The following SRPRA variants were observed in gnomAD, a reference collection of about 807,000 sequenced individuals.
SRPRA encodes signal recognition particle receptor subunit alpha.
A neutral mutation model predicts 61.1 loss-of-function variants in SRPRA; 30 were observed. The ratio of observed to expected loss-of-function variants is 0.49; its 90% CI spans 0.37 to 0.67. SRPRA has a LOEUF of 0.67. Among genes scored for constraint, SRPRA ranks in the 30% least tolerant of loss-of-function variants. The probability of loss-of-function intolerance (pLI) is 0.00; values close to 1 mark genes in which losing one functional copy is unlikely to be tolerated. For missense variants in SRPRA, 759 were observed against 828.4 expected (o/e 0.92, Z 1.03); for synonymous variants, 324 against 299.7 (o/e 1.08, Z -0.84).
the SRPRA span, among the ~76,000 whole-genome samples, chr11:126,249,281 A>G: frequency 6.6e-6 from 1 of 152,222 alleles, no homozygotes; most frequent in African/African-American, 2.4e-5. Flanking sequence ...CAAAATGCAA[A>G]TTTTTAATTT....
rs1443168422 is a variant in SRPRA at position 126,263,238 on chromosome 11, G to T, written c.*678C>A. 2.6e-5 allele frequency: 4 copies of T among 152,362 alleles called. No individual in the cohort carries two copies. The highest frequency in any genetic ancestry group is 5.9e-5 in the Non-Finnish European group (4 of 68,068). 9.4% of individuals were successfully genotyped at this position (152,362 alleles called of 1,614,324 possible). On this transcript the variant is annotated 3_prime_UTR_variant, in exon 14 of 14. Coordinates refer to ENST00000332118, the MANE Select transcript of SRPRA (RefSeq NM_003139.4). ...GAGCTTACTTCTGGATTCTGGGAGTGGGAAGAGTTGGGAGGCCAAGAAGCC... is the reference window on the plus strand; with the variant it reads ...GAGCTTACTTCTGGATTCTGGGAGTTGGAAGAGTTGGGAGGCCAAGAAGCC...
At chr11:126,256,857 G>C in the SRPRA span, 1 of 1,603,206 alleles carries the variant, frequency 6.2e-7, no homozygotes, top group Non-Finnish European at 8.5e-7. The surrounding 1 kb of genome is among the most constrained non-coding windows in gnomAD (Gnocchi z 6.6). Context: ...CATCAGGTAA[G>C]ATGCATTTTG....
chr11:126,254,484 C>T, the SRPRA span: 1 of 1,606,232 alleles, frequency 6.2e-7, no homozygotes, highest in Non-Finnish European at 8.5e-7. Flanking sequence ...TGGGAAATCT[C>T]TCTAAATATG....
chr11:126,240,286 T>C, the SRPRA span, among the ~76,000 whole-genome samples: 1 of 152,022 alleles, frequency 6.6e-6, no homozygotes, highest in Non-Finnish European at 1.5e-5. Flanking sequence ...TTTTTTTTTT[T>C]TGCCTGAGGT....
At chr11:126,262,190 G>C (rs1950715404), downstream of SRPRA, 4 of 1,582,550 alleles carry the variant, frequency 2.5e-6, no homozygotes, top group Non-Finnish European at 3.5e-6. Flanking sequence ...ACTACAGACA[G>C]TGTTTAACAA....
chr11:126,259,026 T>A (rs1212892982), downstream of SRPRA, among the ~76,000 whole-genome samples: 2 of 152,222 alleles, frequency 1.3e-5, no homozygotes, highest in African/African-American at 2.4e-5. Context: ...GTGTTCTGTA[T>A]CTTTAAACAA....
chr11:126,249,457 G>A, the SRPRA span, among the ~76,000 whole-genome samples: 3 of 150,124 alleles, frequency 2.0e-5, no homozygotes, highest in African/African-American at 7.3e-5. Flanking sequence ...CTGAGGCTGG[G>A]TGTGGTAGCT....
rs374531997 is a variant in SRPRA at position 126,268,060 on chromosome 11, G to A, written c.144C>T (p.Thr48=). 8.1e-6 allele frequency: 13 copies of A among 1,613,972 alleles called. No homozygotes were observed. Among genetic ancestry groups the A allele is most frequent in the Non-Finnish European group, 1.0e-5 (12 of 1,180,022 alleles). ...LQERGGNNSF[T]HEALTLKYKL... ...TATACTTGAGTGTGAGTGCCTCATG[G>A]GTGAAGGAGTTGTTACCTCCCCGTT... Residue 48 remains threonine (T), a synonymous_variant, in exon 2 of 14, where the codon ACC becomes ACT. Coordinates refer to ENST00000332118, the MANE Select transcript of SRPRA (RefSeq NM_003139.4).
Position 126,268,097 on chromosome 11 carries a change from A to T in SRPRA, c.118-11T>A. On this transcript the variant is annotated splice_polypyrimidine_tract_variant and intron_variant, in intron 1 of 13. Coordinates refer to ENST00000332118, the MANE Select transcript of SRPRA (RefSeq NM_003139.4). ...GTTACCTCCCCGTTCCTGGAGAAAGAGTATGTCTCAGTGTTCAGACTATCC... is the reference window on the plus strand; with the variant it reads ...GTTACCTCCCCGTTCCTGGAGAAAGTGTATGTCTCAGTGTTCAGACTATCC... 6.2e-7 allele frequency: 1 copy of T among 1,613,018 alleles called. No individual in the cohort carries two copies. Among genetic ancestry groups the T allele is most frequent in the Non-Finnish European group, 8.5e-7 (1 of 1,179,084 alleles).
rs1950795588 is a variant in SRPRA, at chr11:126,265,711, A to G, written c.1138+26T>C. On this transcript the variant is annotated intron_variant, in intron 9 of 13. Coordinates refer to ENST00000332118, the MANE Select transcript of SRPRA (RefSeq NM_003139.4). This position sits in a 1 kb window ranked among gnomAD's most constrained non-coding sequence, Gnocchi z 6.3. ...CTATGCACTTAACCTACACATAAGC[A>G]CTTTCTCACTTAGGTAAGTACTTAC... The G allele has an allele frequency of 1.4e-5, 22 of 1,611,994 alleles. No homozygotes were observed. Among genetic ancestry groups the G allele is most frequent in the Non-Finnish European group, 1.9e-5 (22 of 1,178,146 alleles).
chr11:126,263,731 T>C lies in SRPRA; in HGVS notation c.*185A>G. On this transcript the variant is annotated 3_prime_UTR_variant, in exon 14 of 14. Coordinates refer to ENST00000332118, the MANE Select transcript of SRPRA (RefSeq NM_003139.4). ...CAGTGGGCAGTGATTGTAACATGAT[T>C]AGGCCTTCCTTGCAGATGGCGGCTG... The C allele has an allele frequency of 7.4e-6, 6 of 814,992 alleles. No homozygotes were observed. Among genetic ancestry groups the C allele is most frequent in the Non-Finnish European group, 1.2e-5 (6 of 519,362 alleles). The allele number at this position is 814,992 out of a possible 1,614,324, so 50.5% of individuals were successfully genotyped here. A position where few individuals can be genotyped will look rare whatever the true frequency, so the allele number is the denominator to read the frequency against.
At chr11:126,256,591 A>G in the SRPRA span, 2 of 1,613,960 alleles carry the variant, frequency 1.2e-6, no homozygotes, top group Admixed American at 1.7e-5. The surrounding 1 kb of genome is among the most constrained non-coding windows in gnomAD (Gnocchi z 6.6). Flanking sequence ...ACTCTACGAA[A>G]ACAAGTCATT....
Position 126,263,942 on chromosome 11 carries a change from C to T in SRPRA, c.1891G>A (p.Val631Met), listed in dbSNP as rs759708449. Residue 631 changes from valine to methionine, a missense_variant, in exon 14 of 14, where the codon GTG becomes ATG. Val to Met is a conservative substitution (Grantham distance 21). This residue lies in a region of SRPRA where 284 missense variants were observed against 365.9 expected (regional missense o/e 0.78). Coordinates refer to ENST00000332118, the MANE Select transcript of SRPRA (RefSeq NM_003139.4). ...TAAGCCTTCATGAGGGCAGCCACCA[C>T]AGCCTTGGCATTGAGGCTGCGTAGG... ...CDLRSLNAKA[V>M]VAALMKA is the part of the protein sequence containing the mutation. 3 of 1,614,234 alleles carry T rather than the reference C, an allele frequency of 1.9e-6. No individual in the cohort carries two copies. Among genetic ancestry groups the T allele is most frequent in the South Asian group, 2.2e-5 (2 of 91,080 alleles).
the SRPRA span, among the ~76,000 whole-genome samples, chr11:126,256,324 C>T: frequency 6.6e-6 from 1 of 152,184 alleles, no homozygotes; most frequent in Non-Finnish European, 1.5e-5. This position sits in a 1 kb window ranked among gnomAD's most constrained non-coding sequence, Gnocchi z 6.6. Flanking sequence ...TACACTGACA[C>T]CAGCTCTATG....
chr11:126,248,357 A>ATTTTTT, the SRPRA span, among the ~76,000 whole-genome samples: 7 of 23,746 alleles, frequency 2.9e-4, no homozygotes, highest in African/African-American at 9.6e-4. Context: ...ATAGTAGTTG[A>ATTTTTT]CTTTTTTTTT....
At chr11:126,236,689 T>G in the SRPRA span, among the ~76,000 whole-genome samples, 1 of 152,104 alleles carries the variant, frequency 6.6e-6, no homozygotes, top group Admixed American at 6.5e-5. Flanking sequence ...ATTCCACATT[T>G]TTTTAAAACT....
rs1950879283 is a variant in SRPRA, at chr11:126,268,788, G to C, written c.17C>G (p.Thr6Ser). 6.2e-7 allele frequency: 1 copy of C among 1,613,578 alleles called. No homozygotes were observed. Among genetic ancestry groups the C allele is most frequent in the African/African-American group, 1.3e-5 (1 of 74,954 alleles). The change falls in exon 1 of 14, where the codon ACC becomes AGC. Residue 6 changes from threonine (T) to serine (S), a missense_variant. Around this residue, in one of 2 missense-constraint regions of SRPRA, gnomAD observed 475 missense variants for 462.5 expected, o/e 1.03. Transcript: ENST00000332118. MLDFF[T>S]IFSKGGLVLW... ...CACAAGCCCGCCCTTGGAGAAAATG[G>C]TGAAGAAGTCGAGCATGGCGGCAGC...
At chr11:126,237,218 T>TTTTTG in the SRPRA span, among the ~76,000 whole-genome samples, 1 of 98,642 alleles carries the variant, frequency 1.0e-5, no homozygotes, top group Non-Finnish European at 2.1e-5. Flanking sequence ...GCCTGGCCTT[T>TTTTTG]TTTTTTTTTT....
the SRPRA span, among the ~76,000 whole-genome samples, chr11:126,256,135 G>A: frequency 6.6e-5 from 10 of 152,144 alleles, no homozygotes; most frequent in Non-Finnish European, 1.2e-4. This position sits in a 1 kb window ranked among gnomAD's most constrained non-coding sequence, Gnocchi z 6.6. Flanking sequence ...GCTGGGTGTG[G>A]TGGTGCACAC....
Sources: allele counts gnomAD v4.1 joint callset (sites outside exome capture counted in the v4.1 genomes callset), GRCh38; gene constraint gnomAD v4.1.1; regional missense constraint gnomAD v4.1.1; non-coding constraint Gnocchi (gnomAD v3.1); transcripts MANE v1.5; gene names NCBI Gene and HGNC (gene_info 2026-07-23, HGNC 2026-07-21).